Variants in FANCI observed in about 807,000 individuals in gnomAD.
FANCI encodes the protein FA complementation group I.
A neutral mutation model predicts 176.1 loss-of-function variants in FANCI; 156 were observed. The ratio of observed to expected loss-of-function variants is 0.89; its 90% confidence interval spans 0.78 to 1.01. FANCI has a LOEUF of 1.01. FANCI is among the 50% of genes least tolerant of loss of function. FANCI has a pLI of 0.00. For synonymous variants in FANCI, 613 were observed against 541.7 expected (o/e 1.13, Z -1.83); for missense variants, 1,678 against 1,534.1 (o/e 1.09, Z -1.57).
In FANCI at chr15:89,292,938, T is replaced by C. The variant is rs1167442446; in HGVS notation, c.2170-4T>C. ...CTTGTTAATTTTTATCTTGTGTCTT[T>C]TAGGATAAATCAGCAGATTTTTCTC... is the stretch of plus-strand genomic sequence containing the variant. On this transcript the variant is annotated splice_region_variant and splice_polypyrimidine_tract_variant and intron_variant, in intron 21 of 37. Coordinates refer to ENST00000310775, the MANE Select transcript of FANCI (RefSeq NM_001113378.2). The C allele has an allele frequency of 1.2e-6, 2 of 1,614,162 alleles. No individual in the cohort carries two copies.
chr15:89,316,437 C>T lies in FANCI; in HGVS notation c.3965C>T (p.Ala1322Val), dbSNP rs771174269. ...CATGGGGGACAGAACAAAGAACCAG[C>T]CAAGAAGAAAAGGAAAAAATAAATG... Reference protein sequence around the residue: ...SEHGGQNKEPAKKKRKK With the variant: ...SEHGGQNKEPVKKKRKK Residue 1322 changes from alanine to valine, a missense_variant, in exon 38 of 38, where the codon GCC (alanine) becomes GTC (valine). Ala to Val is a moderately conservative substitution (Grantham distance 64). Transcript: ENST00000310775. 1.2e-5 allele frequency: 19 copies of T among 1,611,408 alleles called. No homozygotes were observed. The highest frequency in any genetic ancestry group is 1.6e-5 in the Non-Finnish European group (19 of 1,178,392).
At position 89,261,571 on chromosome 15, in the gene FANCI, C is replaced by CTG; in HGVS notation, c.289-11_289-10dup. ...ATTTCTGCTTGAGATTTCCTTTATCCTGTGAACTTTTAGGCTCACCATTTT... is the reference window on the plus strand; with the variant it reads ...ATTTCTGCTTGAGATTTCCTTTATCCTGTGTGAACTTTTAGGCTCACCATTTT... On this transcript the variant is annotated splice_polypyrimidine_tract_variant and intron_variant, in intron 4 of 37. Transcript: ENST00000310775. 1 of 1,613,982 alleles carries CTG rather than the reference C, an allele frequency of 6.2e-7. No homozygotes were observed. Among genetic ancestry groups the CTG allele is most frequent in the East Asian group, 2.2e-5 (1 of 44,856 alleles).
At chr15:89,300,269 A>C (rs367998957) in intron 25 of FANCI, 31 bp from the exon 26 acceptor site, 1 of 1,601,572 alleles carries the variant, frequency 6.2e-7, no homozygotes, top group Non-Finnish European at 8.6e-7. Context: ...GTTTATATCA[A>C]AGAAGACAAG....
chr15:89,263,912 TCTGA>T lies in FANCI; in HGVS notation c.559_562del (p.Thr187GlnfsTer12), dbSNP rs1466864310. On this transcript the variant is annotated frameshift_variant, in exon 8 of 38. Coordinates refer to ENST00000310775, the MANE Select transcript of FANCI (RefSeq NM_001113378.2). LOFTEE classifies it high-confidence loss of function. ...AATCTTTGATCCACAGGGATGTCCCTCTGACTGCAGAAGAGGTGGAATTTGTGGT... is the reference window on the plus strand; with the variant it reads ...AATCTTTGATCCACAGGGATGTCCCTCTGCAGAAGAGGTGGAATTTGTGGT... 6.2e-7 allele frequency: 1 copy of T among 1,613,990 alleles called. No individual in the cohort carries two copies. The highest frequency in any genetic ancestry group is 8.5e-7 in the Non-Finnish European group (1 of 1,179,960).
At chr15:89,251,377 C>A (rs1333057607) in intron 2 of FANCI, among the ~76,000 whole-genome samples, 1 of 152,120 alleles carries the variant, frequency 6.6e-6, no homozygotes, top group African/African-American at 2.4e-5. Context: ...TCTGTCAAAC[C>A]TTTAGAGATC....
At chr15:89,285,419 C>A (rs900083166) in intron 18 of FANCI, among the ~76,000 whole-genome samples, 5 of 152,092 alleles carry the variant, frequency 3.3e-5, no homozygotes, top group Non-Finnish European at 5.9e-5. Context: ...CCTTGTGAGG[C>A]CAAGGCAGGA....
At chr15:89,281,950 C>A in intron 16 of FANCI, 115 bp downstream of exon 16, 1 of 981,232 alleles carries the variant, frequency 1.0e-6, no homozygotes, top group Non-Finnish European at 1.6e-6. Context: ...AATTCCTAGC[C>A]CCGCAGAGCA....
At chr15:89,255,091 A>G (rs965799843) in intron 2 of FANCI, among the ~76,000 whole-genome samples, 4 of 151,984 alleles carry the variant, frequency 2.6e-5, no homozygotes, top group Admixed American at 6.5e-5. Context: ...CTTAGTTGTC[A>G]TTTCCCCCTG....
chr15:89,315,622 AAAAC>A (rs1466654064), intron 37 of FANCI, among the ~76,000 whole-genome samples: 4 of 148,856 alleles, frequency 2.7e-5, no homozygotes, highest in Admixed American at 6.6e-5. Context: ...AGGTGGTAAC[AAAAC>A]AATGTCCTGC....
rs1341057264 is a variant in FANCI at position 89,282,989 on chromosome 15, T to C, written c.1584-147T>C. 3.8e-6 allele frequency: 3 copies of C among 790,984 alleles called. No individual in the cohort carries two copies. The East Asian group carries it at 8.0e-5, about 21-fold the overall frequency. 49.0% of individuals were successfully genotyped at this position (790,984 alleles called of 1,614,324 possible). On this transcript the variant is annotated intron_variant, in intron 16 of 37. Transcript: ENST00000310775. ...TGCTTTGAACAGCTGATACCTTATT[T>C]TGAGTACATAAATTCACTTTGTTTT...
intron 7 of FANCI, 28 bp from the exon 8 acceptor site, chr15:89,263,875 T>G: frequency 6.2e-7 from 1 of 1,613,924 alleles, no homozygotes. Context: ...AGACACTGTC[T>G]ATAGCCTTTA....
Position 89,316,405 on chromosome 15 carries a change from A to G in FANCI, c.3933A>G (p.Ala1311=), listed in dbSNP as rs2055265102. 1 of 1,611,904 alleles carries G rather than the reference A, an allele frequency of 6.2e-7. No homozygotes were observed. The highest frequency in any genetic ancestry group is 1.3e-5 in the African/African-American group (1 of 74,838). ...ATTCTTTCCCCTTCTAGGGCACTGC[A>G]TCAGAGCATGGGGGACAGAACAAAG... is the stretch of plus-strand genomic sequence containing the variant. ...DGEDENEEGT[A]SEHGGQNKEP... Residue 1311 remains alanine (A), a synonymous_variant, in exon 38 of 38, where the codon GCA becomes GCG. Coordinates refer to ENST00000310775, the MANE Select transcript of FANCI (RefSeq NM_001113378.2).
intron 11 of FANCI, 36 bp downstream of exon 11, chr15:89,273,505 AG>A: frequency 2.9e-6 from 2 of 681,020 alleles, no homozygotes; most frequent in Non-Finnish European, 5.0e-6. Flanking sequence ...TTCTTTCTGT[AG>A]TTGGTAAAAA....
At chr15:89,301,209 T>G in intron 26 of FANCI, 117 bp from the exon 27 acceptor site, 1 of 788,450 alleles carries the variant, frequency 1.3e-6, no homozygotes, top group Non-Finnish European at 2.3e-6. Flanking sequence ...CTCTTAGAAT[T>G]TTGGTAGCTT....
At chr15:89,259,048 GT>G (rs1169025552) in intron 3 of FANCI, 4 of 422,590 alleles carry the variant, frequency 9.5e-6, no homozygotes, top group Non-Finnish European at 1.8e-5. Context: ...TGGTTTACTT[GT>G]GCTTTTAAGA....
intron 20 of FANCI, 30 bp downstream of exon 20, chr15:89,291,744 A>G: frequency 6.4e-7 from 1 of 1,552,636 alleles, no homozygotes; most frequent in Non-Finnish European, 8.9e-7. Context: ...TTCAACCATT[A>G]TTTTTAGTAT....
At position 89,255,882 on chromosome 15, in the gene FANCI, A is replaced by G. The variant is rs534834225; in HGVS notation, c.85-2822A>G. On this transcript the variant is annotated intron_variant, in intron 2 of 37. Transcript: ENST00000310775. ...GGGGAGTAGAGGACAGAGTCAATAG[A>G]AGAAAATTAACATTCGTTGAGTACT... Among the ~76,000 whole-genome samples the G allele has an allele frequency of 2.0e-5, 3 of 152,358 alleles. No homozygotes were observed. In the South Asian group the frequency reaches 6.2e-4, roughly 32 times the overall value.
intron 2 of FANCI, among the ~76,000 whole-genome samples, chr15:89,250,396 G>C (rs1455961125): frequency 1.3e-5 from 2 of 152,134 alleles, no homozygotes; most frequent in Non-Finnish European, 2.9e-5. Flanking sequence ...CCTTTGTAGG[G>C]ACATGGATGA....
chr15:89,297,607 G>A lies in FANCI; in HGVS notation c.2637-2193G>A, dbSNP rs953264283. On this transcript the variant is annotated intron_variant, in intron 24 of 37. Transcript: ENST00000310775. ...AACCCCGTCTCCATCAAAAAAATAC[G>A]AAAACCAGTCAGGTGTGGCGGCAAT... Among the ~76,000 whole-genome samples the A allele has an allele frequency of 5.3e-5, 8 of 152,222 alleles. 1 individual carries two copies. The highest frequency in any genetic ancestry group is 2.1e-4 in the South Asian group (1 of 4,818).
Sources: gnomAD v4.1 joint callset for allele counts (sites outside exome capture counted in the v4.1 genomes callset) on GRCh38, gnomAD v4.1.1 for gene constraint, MANE v1.5 for transcripts, NCBI Gene and HGNC (gene_info 2026-07-23, HGNC 2026-07-21) for gene names.